KCNA3: variants seen among roughly 807,000 people sequenced by gnomAD.
The protein encoded by KCNA3 is potassium voltage-gated channel subfamily A member 3.
In KCNA3, 18 loss-of-function variants were observed where a neutral mutation model predicts 34.3. The ratio of observed to expected loss-of-function variants is 0.52; its 90% CI spans 0.36 to 0.78. KCNA3 has a LOEUF of 0.78. Among genes scored for constraint, KCNA3 ranks in the 30% least tolerant of loss-of-function variants. The pLI is 0.00. For synonymous variants in KCNA3, 324 were observed against 351.7 expected (o/e 0.92, Z 0.88); for missense variants, 587 against 802.5 (o/e 0.73, Z 3.24).
chr1:110,657,907 A>T, the KCNA3 span, among the ~76,000 whole-genome samples: 1 of 152,338 alleles, frequency 6.6e-6, no homozygotes, highest in East Asian at 1.9e-4. Context: ...GCTGCAATGG[A>T]CTGACTATTC....
At chr1:110,654,935 C>T in the KCNA3 span, 1 of 152,008 alleles carries the variant, frequency 6.6e-6, no homozygotes, top group Non-Finnish European at 1.5e-5. Context: ...ATTTTCAATG[C>T]TAAATAAATT....
chr1:110,658,128 A>G, the KCNA3 span, among the ~76,000 whole-genome samples: 1 of 152,198 alleles, frequency 6.6e-6, no homozygotes, highest in Non-Finnish European at 1.5e-5. Flanking sequence ...TTCATTGTAG[A>G]CTTTGCCTCA....
At chr1:110,668,298 G>A (rs1651760450), downstream of KCNA3, among the ~76,000 whole-genome samples, 1 of 152,032 alleles carries the variant, frequency 6.6e-6, no homozygotes, top group South Asian at 2.1e-4. Context: ...AGTGGGAAGG[G>A]TTATCACTTC....
Position 110,673,000 on chromosome 1 carries a change from A to T in KCNA3, c.*82T>A. 7.6e-7 allele frequency: 1 copy of T among 1,315,674 alleles called. No homozygotes were observed. The highest frequency in any genetic ancestry group is 1.4e-5 in the South Asian group (1 of 71,416). The allele number at this position is 1,315,674 out of a possible 1,614,324, so 81.5% of individuals were successfully genotyped here. ...TCCTTTCCTTGATGAATGGTCTGGA[A>T]ATGTATAAAACAAGGGCATAGGCAG... is the stretch of plus-strand genomic sequence containing the variant. On this transcript the variant is annotated 3_prime_UTR_variant, in exon 1 of 1. Transcript: ENST00000369769.
In KCNA3 at chr1:110,673,196, G is replaced by T; in HGVS notation, c.1614C>A (p.Asn538Lys). 2 of 1,614,146 alleles carry T rather than the reference G, an allele frequency of 1.2e-6. No individual in the cohort carries two copies. The highest frequency in any genetic ancestry group is 2.2e-5 in the South Asian group (2 of 91,066). Residue 538 changes from asparagine to lysine, a missense_variant, in exon 1 of 1, where the codon AAC (asparagine) becomes AAA (lysine). Transcript: ENST00000369769. This position sits in a 1 kb window ranked among gnomAD's most constrained non-coding sequence, Gnocchi z 8.8. The stretch of plus-strand genomic sequence containing the variant: ...AAGGGGTCTGGGGGAAAGCGCTATG[G>T]TTCATACCCCCCTCTTCGATCACCA... ...EYMVIEEGGM[N>K]HSAFPQTPFK...
At chr1:110,659,425 A>G in the KCNA3 span, among the ~76,000 whole-genome samples, 3 of 152,148 alleles carry the variant, frequency 2.0e-5, no homozygotes, top group Non-Finnish European at 4.4e-5. Context: ...TTAGAGACAT[A>G]TTATTTAATG....
chr1:110,666,324 A>G, the KCNA3 span, among the ~76,000 whole-genome samples: 1 of 152,200 alleles, frequency 6.6e-6, no homozygotes, highest in Non-Finnish European at 1.5e-5. Flanking sequence ...GTATTGAAGT[A>G]AAAATAGAAG....
rs902667859 is a variant in KCNA3 at position 110,673,181 on chromosome 1, G to T, written c.1629C>A (p.Pro543=). The change falls in exon 1 of 1, where the codon CCC becomes CCA. Residue 543 remains proline, a synonymous_variant. Transcript: ENST00000369769. The surrounding 1 kb of genome is among the most constrained non-coding windows in gnomAD (Gnocchi z 8.8). ...EEGGMNHSAF[P]QTPFKTGNST... ...AATTGCCCGTTTTGAAAGGGGTCTG[G>T]GGGAAAGCGCTATGGTTCATACCCC... The T allele has an allele frequency of 6.2e-7, 1 of 1,614,066 alleles. No individual in the cohort carries two copies. The highest frequency in any genetic ancestry group is 1.7e-5 in the Admixed American group (1 of 60,016).
the KCNA3 span, among the ~76,000 whole-genome samples, chr1:110,665,997 G>GGGA: frequency 2.6e-5 from 4 of 152,118 alleles, no homozygotes; most frequent in African/African-American, 9.7e-5. Context: ...GGTGAACAAA[G>GGGA]GGAGAGATAG....
At chr1:110,657,048 T>TTC in the KCNA3 span, 15 of 148,124 alleles carry the variant, frequency 1.0e-4, no homozygotes, top group Admixed American at 8.7e-4. Context: ...AAGTTTTCTT[T>TTC]TTTTTTTTTT....
the KCNA3 span, among the ~76,000 whole-genome samples, chr1:110,659,359 G>A: frequency 6.8e-4 from 103 of 152,218 alleles, no homozygotes; most frequent in East Asian, 1.3e-3. Flanking sequence ...TTATATGCAC[G>A]CATTATGAAG....
chr1:110,661,086 C>A, the KCNA3 span, among the ~76,000 whole-genome samples: 1 of 152,034 alleles, frequency 6.6e-6, no homozygotes, highest in Non-Finnish European at 1.5e-5. Context: ...ATGCTATAAA[C>A]CCAGCTCTGG....
the KCNA3 span, among the ~76,000 whole-genome samples, chr1:110,664,297 A>G: frequency 6.6e-6 from 1 of 152,202 alleles, no homozygotes; most frequent in Non-Finnish European, 1.5e-5. Flanking sequence ...GGTCTTTGTG[A>G]AGCATTCTAA....
chr1:110,674,642 C>T lies in KCNA3; in HGVS notation c.168G>A (p.Val56=), dbSNP rs777843115. The change falls in exon 1 of 1, where the codon GTG becomes GTA. Residue 56 remains valine, a synonymous_variant. Coordinates refer to ENST00000369769, the MANE Select transcript of KCNA3 (RefSeq NM_002232.5). This position sits in a 1 kb window ranked among gnomAD's most constrained non-coding sequence, Gnocchi z 6.4. ...CCGGCTCCAGCAGGTGGTCCCCGGG[C>T]ACCACGGTCATGTCGGGCGGCAGCT... ...GRELPPDMTV[V]PGDHLLEPEV... 17 of 1,541,698 alleles carry T rather than the reference C, an allele frequency of 1.1e-5. No homozygotes were observed. The Admixed American group carries it at 2.9e-4, about 27-fold the overall frequency.
chr1:110,674,534 TGAGGGCGGCAGC>T lies in KCNA3; in HGVS notation c.264_275del (p.Pro91_Pro94del). 5.6e-6 allele frequency: 9 copies of T among 1,608,650 alleles called. No individual in the cohort carries two copies. Among genetic ancestry groups the T allele is most frequent in the Non-Finnish European group, 6.8e-6 (8 of 1,178,092 alleles). ...AGTCCTGCTCGCCCGCGGCCGGCAG[TGAGGGCGGCAGC>T]GGCTCGTAGCGGTCGCAGCCGCCGC... On this transcript the variant is annotated inframe_deletion, in exon 1 of 1. Coordinates refer to ENST00000369769, the MANE Select transcript of KCNA3 (RefSeq NM_002232.5). The surrounding 1 kb of genome is among the most constrained non-coding windows in gnomAD (Gnocchi z 6.4).
At chr1:110,655,065 T>C in the KCNA3 span, 1 of 152,134 alleles carries the variant, frequency 6.6e-6, no homozygotes, top group Non-Finnish European at 1.5e-5. Context: ...CTGTATAAGA[T>C]TTCAAAAATA....
chr1:110,674,173 G>T lies in KCNA3; in HGVS notation c.637C>A (p.Arg213Ser). 4.3e-6 allele frequency: 7 copies of T among 1,612,268 alleles called. No homozygotes were observed. The highest frequency in any genetic ancestry group is 5.9e-6 in the Non-Finnish European group (7 of 1,178,954). The part of the protein sequence containing the change: ...FLREEERPLP[R>S]RDFQRQVWLL... Reference sequence around the variant, plus strand: ...CACACCTGGCGCTGGAAGTCGCGGCGGGGCAAGGGCCGCTCCTCCTCCCGC... The same window carrying T: ...CACACCTGGCGCTGGAAGTCGCGGCTGGGCAAGGGCCGCTCCTCCTCCCGC... The change falls in exon 1 of 1, where the codon CGC becomes AGC. Residue 213 changes from arginine to serine, a missense_variant. By Grantham distance (110) the Arg-to-Ser change is moderately radical. Around this residue, in one of 7 missense-constraint regions of KCNA3, gnomAD observed 341 missense variants for 355.4 expected, o/e 0.96. Transcript: ENST00000369769. The surrounding 1 kb of genome is among the most constrained non-coding windows in gnomAD (Gnocchi z 6.4).
chr1:110,666,624 G>T, the KCNA3 span, among the ~76,000 whole-genome samples: 1 of 152,170 alleles, frequency 6.6e-6, no homozygotes, highest in African/African-American at 2.4e-5. Flanking sequence ...GTCTCAAAAA[G>T]ATCATTCTGG....
the KCNA3 span, chr1:110,656,812 A>G: frequency 6.6e-6 from 1 of 152,220 alleles, no homozygotes; most frequent in African/African-American, 2.4e-5. Context: ...ACATTTAACT[A>G]AACAAATGCT....
Sources: gnomAD v4.1 joint callset for allele counts (sites outside exome capture counted in the v4.1 genomes callset) on GRCh38, gnomAD v4.1.1 for gene constraint, gnomAD v4.1.1 regional missense constraint, Gnocchi (gnomAD v3.1) non-coding constraint, MANE v1.5 for transcripts, NCBI Gene and HGNC (gene_info 2026-07-23, HGNC 2026-07-21) for gene names.